Variants in GRIN2D observed in about 807,000 individuals in gnomAD.
The protein encoded by GRIN2D is glutamate ionotropic receptor NMDA type subunit 2D.
GRIN2D carries 37 observed loss-of-function variants against 103.2 expected under a neutral mutation model. That is an observed-to-expected ratio of 0.36 (90% CI 0.28 to 0.47). The LOEUF is 0.47. GRIN2D is among the 20% of genes least tolerant of loss of function. The pLI is 1.00. For synonymous variants in GRIN2D, 845 were observed against 885.6 expected (o/e 0.95, Z 0.81); for missense variants, 1,557 against 1,910.6 (o/e 0.81, Z 3.45).
chr19:48,412,475 AAGAAAG>A (rs1412859593), intron 4 of GRIN2D, among the ~76,000 whole-genome samples: 42 of 140,886 alleles, frequency 3.0e-4, no homozygotes, highest in African/African-American at 6.4e-4. Context: ...GAAAGAAAGA[AAGAAAG>A]AGAGAGAAAG....
rs35263933 is a variant in GRIN2D at position 48,402,765 on chromosome 19, C to CGAGAGAGAGAGA, written c.466-1940_466-1929dup. 9.7e-3 allele frequency among the ~76,000 whole-genome samples: 1,057 copies of CGAGAGAGAGAGA among 108,968 alleles called. 13 individuals carry two copies. Among genetic ancestry groups the CGAGAGAGAGAGA allele is most frequent in the Middle Eastern group, 0.016 (3 of 190 alleles). 71.5% of individuals were successfully genotyped at this position (108,968 alleles called of 152,430 possible). A position where few individuals can be genotyped will look rare whatever the true frequency, so the allele number is the denominator to read the frequency against. Reference sequence around the variant, plus strand: ...AAAAAAAAGATTCTTTACTCCTTTACGAGAGAGAGAGAGAGAGAGAGAGAG... The same window carrying CGAGAGAGAGAGA: ...AAAAAAAAGATTCTTTACTCCTTTACGAGAGAGAGAGAGAGAGAGAGAGAGAGAGAGAGAGAG... On this transcript the variant is annotated intron_variant, in intron 3 of 13. Transcript: ENST00000263269.
intron 3 of GRIN2D, among the ~76,000 whole-genome samples, chr19:48,404,247 A>T (rs1970753891): frequency 1.3e-5 from 2 of 151,234 alleles, no homozygotes. Flanking sequence ...TCTCAAAAAA[A>T]AAAAAAAAAA....
At position 48,398,585 on chromosome 19, in the gene GRIN2D, G is replaced by A. The variant is rs1219277223; in HGVS notation, c.193G>A (p.Glu65Lys). The A allele has an allele frequency of 1.1e-5, 13 of 1,199,020 alleles. No homozygotes were observed. Among genetic ancestry groups the A allele is most frequent in the South Asian group, 4.0e-5 (1 of 24,820 alleles). 74.3% of individuals were successfully genotyped at this position (1,199,020 alleles called of 1,614,324 possible). A position where few individuals can be genotyped will look rare whatever the true frequency, so the allele number is the denominator to read the frequency against. The change falls in exon 3 of 14, where the codon GAG becomes AAG. Residue 65 changes from glutamate to lysine, a missense_variant. Transcript: ENST00000263269. ...LVFSGPAYAA[E>K]AARLGPAVAA... ...GTTCTCGGGGCCCGCGTACGCGGCC[G>A]AGGCGGCACGCCTGGGCCCGGCCGT...
At chr19:48,419,396 C>T (rs752956061) in intron 9 of GRIN2D, 37 bp downstream of exon 9, 4 of 1,582,050 alleles carry the variant, frequency 2.5e-6, no homozygotes, top group South Asian at 2.2e-5. Context: ...CCTCGGAGAT[C>T]CCGAACCACA....
rs987438182 is a variant in GRIN2D at position 48,393,714 on chromosome 19, C to A, written c.-460C>A. Among the ~76,000 whole-genome samples the A allele has an allele frequency of 1.3e-5, 2 of 152,036 alleles. No homozygotes were observed. Among genetic ancestry groups the A allele is most frequent in the Admixed American group, 6.5e-5 (1 of 15,274 alleles). Reference sequence around the variant, plus strand: ...GCGAGAACACAGCGAGTGTGTGAGTCCCTCCCGCTCCAGCTCCTCCAAGCC... The same window carrying A: ...GCGAGAACACAGCGAGTGTGTGAGTACCTCCCGCTCCAGCTCCTCCAAGCC... On this transcript the variant is annotated 5_prime_UTR_variant, in exon 1 of 14. Coordinates refer to ENST00000263269, the MANE Select transcript of GRIN2D (RefSeq NM_000836.4). The surrounding 1 kb of genome is among the most constrained non-coding windows in gnomAD (Gnocchi z 5.6).
chr19:48,436,768 G>T (rs1971237215), intron 11 of GRIN2D, among the ~76,000 whole-genome samples: 1 of 152,186 alleles, frequency 6.6e-6, no homozygotes, highest in South Asian at 2.1e-4. Context: ...GTTCCAGCAG[G>T]CAGAACAGCC....
chr19:48,410,145 C>G (rs546204957), intron 4 of GRIN2D, among the ~76,000 whole-genome samples: 8 of 150,944 alleles, frequency 5.3e-5, no homozygotes, highest in African/African-American at 2.0e-4. Context: ...TCAGGGGAAA[C>G]GAGCATATGC....
chr19:48,438,301 T>TG, intron 11 of GRIN2D, among the ~76,000 whole-genome samples: 1 of 130,036 alleles, frequency 7.7e-6, no homozygotes, highest in African/African-American at 3.0e-5. Context: ...TTTTTTTTTT[T>TG]TTTTTTTTTT....
At chr19:48,440,068 G>A (rs925175791) in intron 11 of GRIN2D, among the ~76,000 whole-genome samples, 6 of 151,980 alleles carry the variant, frequency 3.9e-5, no homozygotes, top group African/African-American at 1.4e-4. Context: ...AAAATTAGCC[G>A]TGTGTGGTGG....
At chr19:48,411,074 G>A (rs1487435321) in intron 4 of GRIN2D, among the ~76,000 whole-genome samples, 2 of 152,110 alleles carry the variant, frequency 1.3e-5, no homozygotes, top group Non-Finnish European at 2.9e-5. Context: ...TGGGTACAGC[G>A]GCTCGTGCCA....
chr19:48,409,798 T>C (rs1277137281), intron 4 of GRIN2D, among the ~76,000 whole-genome samples: 1 of 151,924 alleles, frequency 6.6e-6, no homozygotes, highest in African/African-American at 2.4e-5. Flanking sequence ...TTCTTTTTTT[T>C]GAGATACAGT....
At chr19:48,435,321 G>A (rs1245712370) in intron 11 of GRIN2D, among the ~76,000 whole-genome samples, 1 of 114,740 alleles carries the variant, frequency 8.7e-6, no homozygotes, top group Non-Finnish European at 1.7e-5. Flanking sequence ...TTTTTGAGAC[G>A]GAGTCTTGCT....
At chr19:48,438,290 T>TTTTTTTTGTTTG (rs1971254657) in intron 11 of GRIN2D, among the ~76,000 whole-genome samples, 1 of 16,114 alleles carries the variant, frequency 6.2e-5, no homozygotes, top group African/African-American at 1.8e-4. Context: ...CAGCCGCCTT[T>TTTTTTTTGTTTG]TTTTTTTTTT....
chr19:48,415,227 C>T (rs981814733), intron 7 of GRIN2D, among the ~76,000 whole-genome samples, 195 bp downstream of exon 7: 3 of 152,010 alleles, frequency 2.0e-5, no homozygotes, highest in Non-Finnish European at 4.4e-5. Context: ...AAAAATTAGC[C>T]GTGCGTGGTG....
At chr19:48,400,242 G>A (rs1371642492) in intron 3 of GRIN2D, among the ~76,000 whole-genome samples, 1 of 152,038 alleles carries the variant, frequency 6.6e-6, no homozygotes. Flanking sequence ...TAGGAGGTGG[G>A]GCCTGAGAAG....
rs1196844145 is a variant in GRIN2D at position 48,443,580 on chromosome 19, C to A, written c.3654C>A (p.Pro1218=). The stretch of plus-strand genomic sequence containing the variant: ...CGCCTCCACCCTGGGCCGCCGGGCC[C>A]CTGCCCCGACGCCGGGCCCGCTGCG... ...APPPPPWAAG[P]LPRRRARCGC... The change falls in exon 14 of 14, where the codon CCC becomes CCA. Residue 1218 remains proline (P), a synonymous_variant. Transcript: ENST00000263269. This position sits in a 1 kb window ranked among gnomAD's most constrained non-coding sequence, Gnocchi z 8.9. 2 of 1,192,692 alleles carry A rather than the reference C, an allele frequency of 1.7e-6. No homozygotes were observed. The highest frequency in any genetic ancestry group is 2.1e-6 in the Non-Finnish European group (2 of 964,044). The allele number at this position is 1,192,692 out of a possible 1,614,324, so 73.9% of individuals were successfully genotyped here.
At chr19:48,396,844 C>G (rs1427896194) in intron 2 of GRIN2D, among the ~76,000 whole-genome samples, 2 of 152,014 alleles carry the variant, frequency 1.3e-5, no homozygotes, top group Admixed American at 6.5e-5. Context: ...GCATGACAGC[C>G]AGGAGAGAAC....
At chr19:48,415,977 C>G in intron 7 of GRIN2D, 25 bp from the exon 8 acceptor site, 1 of 1,604,476 alleles carries the variant, frequency 6.2e-7, no homozygotes, top group Non-Finnish European at 8.5e-7. Flanking sequence ...GTTCCCCCGC[C>G]CACTCCTCAT....
chr19:48,413,119 A>G (rs1569063583), intron 4 of GRIN2D, among the ~76,000 whole-genome samples: 1 of 145,676 alleles, frequency 6.9e-6, no homozygotes, highest in Non-Finnish European at 1.5e-5. Context: ...CTGGGCAACA[A>G]GAGCAAGACT....
Sources: allele counts gnomAD v4.1 joint callset (sites outside exome capture counted in the v4.1 genomes callset), GRCh38; gene constraint gnomAD v4.1.1; non-coding constraint Gnocchi (gnomAD v3.1); transcripts MANE v1.5; gene names NCBI Gene and HGNC (gene_info 2026-07-23, HGNC 2026-07-21).